Variants in MAGI1 observed in about 807,000 individuals in gnomAD.
MAGI1 encodes membrane associated guanylate kinase, WW and PDZ domain containing 1.
In MAGI1, 58 loss-of-function variants were observed where a neutral mutation model predicts 139.9. The observed-to-expected ratio is 0.41, with a 90% CI of 0.34 to 0.52. The LOEUF (loss-of-function observed/expected upper bound fraction) is 0.52. MAGI1 is among the 20% of genes least tolerant of loss of function. The pLI is 0.12. For synonymous variants in MAGI1, 812 were observed against 737.9 expected, an observed-to-expected ratio of 1.10 and a Z score of -1.63; for missense variants, 1,874 against 1,901.6, an observed-to-expected ratio of 0.99 and a Z score of 0.27.
At chr3:65,467,007 T>C (rs1950216351) in intron 5 of MAGI1, among the ~76,000 whole-genome samples, 1 of 152,228 alleles carries the variant, frequency 6.6e-6, no homozygotes, top group Non-Finnish European at 1.5e-5. Context: ...TTATCAGGGC[T>C]TTATTTGCCT....
intron 1 of MAGI1, among the ~76,000 whole-genome samples, chr3:65,868,400 C>T (rs759416620): frequency 3.3e-5 from 5 of 152,158 alleles, no homozygotes; most frequent in Admixed American, 1.3e-4. Context: ...TGACACAACA[C>T]ACCAAATGTT....
intron 18 of MAGI1, among the ~76,000 whole-genome samples, chr3:65,375,197 T>TC (rs1240673193): frequency 6.6e-6 from 1 of 150,966 alleles, no homozygotes; most frequent in East Asian, 1.9e-4. Flanking sequence ...CTTTTTTTTT[T>TC]TTTTTTTTTG....
At chr3:65,879,223 G>A (rs566139508) in intron 1 of MAGI1, among the ~76,000 whole-genome samples, 1 of 152,212 alleles carries the variant, frequency 6.6e-6, no homozygotes, top group Non-Finnish European at 1.5e-5. Context: ...ACATTAAGGT[G>A]GAAGCGGAGA....
At chr3:65,930,135 T>C (rs1056943934) in intron 1 of MAGI1, among the ~76,000 whole-genome samples, 5 of 151,266 alleles carry the variant, frequency 3.3e-5, no homozygotes, top group Non-Finnish European at 7.4e-5. Flanking sequence ...GCTAACACGG[T>C]GAAACCCTGT....
At chr3:65,685,725 A>G (rs2087972416) in intron 1 of MAGI1, among the ~76,000 whole-genome samples, 1 of 152,168 alleles carries the variant, frequency 6.6e-6, no homozygotes, top group Non-Finnish European at 1.5e-5. Context: ...TAAGGCTTTC[A>G]GGAAAACTGA....
At chr3:65,947,260 T>C (rs2063584040) in intron 1 of MAGI1, among the ~76,000 whole-genome samples, 1 of 152,148 alleles carries the variant, frequency 6.6e-6, no homozygotes, top group African/African-American at 2.4e-5. Flanking sequence ...GCTAAGATAA[T>C]AGGCCCCTAT....
chr3:65,780,819 G>A (rs989265439), intron 1 of MAGI1, among the ~76,000 whole-genome samples: 60 of 152,264 alleles, frequency 3.9e-4, no homozygotes, highest in African/African-American at 1.3e-3. Context: ...TAGCCCACAT[G>A]GGGCAGAAGA....
chr3:65,926,541 A>G (rs2062529234), intron 1 of MAGI1, among the ~76,000 whole-genome samples: 1 of 152,176 alleles, frequency 6.6e-6, no homozygotes, highest in Non-Finnish European at 1.5e-5. Context: ...TACAGGTAAT[A>G]AAGACCTTGC....
chr3:65,518,967 C>T (rs904448410), intron 2 of MAGI1, among the ~76,000 whole-genome samples: 2 of 151,882 alleles, frequency 1.3e-5, no homozygotes, highest in Non-Finnish European at 2.9e-5. Flanking sequence ...TGAGGGAATT[C>T]CTCACTGAGA....
chr3:65,602,953 C>A (rs1357849054), intron 2 of MAGI1, among the ~76,000 whole-genome samples: 1 of 151,836 alleles, frequency 6.6e-6, no homozygotes, highest in Admixed American at 6.6e-5. Flanking sequence ...TAAGAGAATA[C>A]CATGTACAAC....
intron 14 of MAGI1, among the ~76,000 whole-genome samples, chr3:65,390,106 G>A (rs1943786968): frequency 6.6e-6 from 1 of 152,140 alleles, no homozygotes; most frequent in Admixed American, 6.5e-5. Context: ...CTGTGTAGTG[G>A]ACGGGAGGCC....
chr3:65,989,699 G>A (rs62243804), intron 1 of MAGI1, among the ~76,000 whole-genome samples: 13,019 of 151,976 alleles, frequency 0.086, 773 homozygotes, highest in East Asian at 0.25. Context: ...CACCACACCC[G>A]GCTAATTTTT....
intron 1 of MAGI1, among the ~76,000 whole-genome samples, chr3:65,683,490 G>GAAA: frequency 6.6e-6 from 1 of 150,592 alleles, no homozygotes; most frequent in South Asian, 2.1e-4. Context: ...AAAAAGAAAA[G>GAAA]AAAAAAAAGA....
chr3:65,899,035 C>T (rs1468139611), intron 1 of MAGI1, among the ~76,000 whole-genome samples: 6 of 152,146 alleles, frequency 3.9e-5, no homozygotes, highest in African/African-American at 7.2e-5. Flanking sequence ...GATCCTCCCA[C>T]CTCAGCCTCC....
At chr3:65,865,999 C>T (rs1476104430) in intron 1 of MAGI1, among the ~76,000 whole-genome samples, 1 of 152,156 alleles carries the variant, frequency 6.6e-6, no homozygotes, top group Non-Finnish European at 1.5e-5. Flanking sequence ...ATGTTCATAA[C>T]ATATGACTGA....
At chr3:65,997,175 A>T (rs1200607735) in intron 1 of MAGI1, among the ~76,000 whole-genome samples, 1 of 152,140 alleles carries the variant, frequency 6.6e-6, no homozygotes, top group Non-Finnish European at 1.5e-5. Flanking sequence ...CCTCAGTGGA[A>T]GTGGTCTGGC....
At chr3:65,887,414 G>T (rs955995589) in intron 1 of MAGI1, among the ~76,000 whole-genome samples, 1 of 147,268 alleles carries the variant, frequency 6.8e-6, no homozygotes, top group Non-Finnish European at 1.5e-5. Flanking sequence ...AAGGGCAGGG[G>T]CAAGAGGGGG....
intron 17 of MAGI1, 69 bp downstream of exon 17, chr3:65,379,192 C>A: frequency 6.2e-7 from 1 of 1,601,562 alleles, no homozygotes; most frequent in South Asian, 1.1e-5. Flanking sequence ...AGTCAGCTTT[C>A]ACTCGCAAGA....
intron 6 of MAGI1, 56 bp downstream of exon 6, chr3:65,453,202 G>A: frequency 6.8e-7 from 1 of 1,479,336 alleles, no homozygotes; most frequent in Non-Finnish European, 9.4e-7. Context: ...TTTAAAATTT[G>A]CACATGTGAA....
Sources: allele counts gnomAD v4.1 joint callset (sites outside exome capture counted in the v4.1 genomes callset), GRCh38; gene constraint gnomAD v4.1.1; transcripts MANE v1.5; gene names NCBI Gene and HGNC (gene_info 2026-07-23, HGNC 2026-07-21).